The following SPIRE1 variants were observed in gnomAD, a reference collection of about 807,000 sequenced individuals.
SPIRE1 encodes the protein spire type actin nucleation factor 1.
In SPIRE1, 40 loss-of-function variants were observed where a neutral mutation model predicts 94.1. The observed-to-expected ratio is 0.43, with a 90% CI of 0.33 to 0.55. SPIRE1 has a LOEUF of 0.55. SPIRE1 is among the 20% of genes least tolerant of loss of function. SPIRE1 has a pLI of 0.06. For synonymous variants in SPIRE1, 376 were observed against 371.7 expected, an observed-to-expected ratio of 1.01 and a Z score of -0.13; for missense variants, 838 against 975.2, an observed-to-expected ratio of 0.86 and a Z score of 1.87.
chr18:12,581,453 T>C (rs541499200), intron 2 of SPIRE1, among the ~76,000 whole-genome samples: 3 of 121,180 alleles, frequency 2.5e-5, no homozygotes, highest in South Asian at 6.1e-4. Context: ...TAACCAAGAT[T>C]AAAAGATGAA....
At chr18:12,487,845 G>A (rs1304709252) in intron 8 of SPIRE1, among the ~76,000 whole-genome samples, 2 of 152,152 alleles carry the variant, frequency 1.3e-5, no homozygotes, top group Non-Finnish European at 2.9e-5. Context: ...TGTTAAAAAG[G>A]TTATTGCAGA....
At chr18:12,456,006 T>C (rs2031490682) in intron 12 of SPIRE1, among the ~76,000 whole-genome samples, 2 of 152,180 alleles carry the variant, frequency 1.3e-5, no homozygotes, top group Admixed American at 1.3e-4. Context: ...TGCAAAACCA[T>C]CTCTGTTCAA....
intron 2 of SPIRE1, among the ~76,000 whole-genome samples, chr18:12,581,154 G>C (rs905735459): frequency 1.7e-4 from 26 of 152,208 alleles, no homozygotes; most frequent in African/African-American, 5.8e-4. Context: ...AATTCCACAG[G>C]TGAGACCGGC....
chr18:12,641,910 C>T lies in SPIRE1; in HGVS notation c.338-6814G>A, dbSNP rs1598574877. 2.0e-5 allele frequency among the ~76,000 whole-genome samples: 3 copies of T among 147,676 alleles called. No individual in the cohort carries two copies. The East Asian group carries it at 6.1e-4, about 30-fold the overall frequency. ...TGCAGTGCATGATCTTGGCTCACTA[C>T]AGCCTCCGCCTCCCAGGTTCAAGCA... On this transcript the variant is annotated intron_variant, in intron 1 of 16. Transcript: ENST00000409402.
At chr18:12,478,319 C>G (rs1228578559) in intron 10 of SPIRE1, among the ~76,000 whole-genome samples, 2 of 148,270 alleles carry the variant, frequency 1.3e-5, no homozygotes, top group East Asian at 4.1e-4. Context: ...GTGTGTGTAG[C>G]TAGGGTGTGT....
At chr18:12,525,384 A>T (rs1297216413) in intron 4 of SPIRE1, among the ~76,000 whole-genome samples, 4 of 150,966 alleles carry the variant, frequency 2.6e-5, no homozygotes, top group Non-Finnish European at 5.9e-5. Flanking sequence ...CTAGTTAGGT[A>T]GAAATGGGAG....
intron 11 of SPIRE1, 60 bp downstream of exon 11, chr18:12,464,808 G>T: frequency 1.4e-6 from 2 of 1,424,224 alleles, no homozygotes; most frequent in Non-Finnish European, 2.0e-6. Context: ...CTCTGCTCTA[G>T]GTCAAGTGTG....
At chr18:12,490,254 TC>T (rs1266377554) in intron 8 of SPIRE1, among the ~76,000 whole-genome samples, 1 of 152,164 alleles carries the variant, frequency 6.6e-6, no homozygotes, top group African/African-American at 2.4e-5. Context: ...AAAGTAGGGT[TC>T]CCATTAGCAA....
chr18:12,557,023 C>T (rs2035535111), intron 2 of SPIRE1, among the ~76,000 whole-genome samples: 1 of 152,174 alleles, frequency 6.6e-6, no homozygotes, highest in Non-Finnish European at 1.5e-5. Context: ...GTTTACAAAC[C>T]TTGAGCTAGA....
chr18:12,599,694 TTGGCAGAGATACC>T (rs1423157942), intron 2 of SPIRE1, among the ~76,000 whole-genome samples: 1 of 152,222 alleles, frequency 6.6e-6, no homozygotes, highest in South Asian at 2.1e-4. Context: ...TTATGCACAC[TTGGCAGAGATACC>T]TGGCAGAGAT....
intron 8 of SPIRE1, among the ~76,000 whole-genome samples, chr18:12,487,304 T>C (rs989809155): frequency 1.3e-5 from 2 of 152,160 alleles, no homozygotes; most frequent in African/African-American, 2.4e-5. Flanking sequence ...CATATAAAGT[T>C]TGGTACTATC....
chr18:12,461,826 GT>G (rs1013407602), intron 12 of SPIRE1, among the ~76,000 whole-genome samples: 3 of 152,066 alleles, frequency 2.0e-5, no homozygotes, highest in Non-Finnish European at 2.9e-5. Context: ...ACAGACAGGG[GT>G]TTCTTAAGTT....
At chr18:12,477,133 T>A (rs2032635060) in intron 10 of SPIRE1, among the ~76,000 whole-genome samples, 1 of 152,118 alleles carries the variant, frequency 6.6e-6, no homozygotes, top group Non-Finnish European at 1.5e-5. Flanking sequence ...AGGCTGCAAA[T>A]TTATCTGATC....
intron 2 of SPIRE1, among the ~76,000 whole-genome samples, chr18:12,560,255 A>G (rs961726070): frequency 6.6e-6 from 1 of 152,246 alleles, no homozygotes; most frequent in African/African-American, 2.4e-5. Flanking sequence ...AAGAAAGGAA[A>G]TCAGTATATC....
chr18:12,520,621 A>G (rs1242866724), intron 4 of SPIRE1, among the ~76,000 whole-genome samples: 6 of 152,204 alleles, frequency 3.9e-5, no homozygotes, highest in Non-Finnish European at 8.8e-5. Flanking sequence ...ATTACAAATG[A>G]TGAATGATCT....
intron 4 of SPIRE1, among the ~76,000 whole-genome samples, chr18:12,526,160 T>C (rs1021869595): frequency 6.6e-6 from 1 of 151,332 alleles, no homozygotes; most frequent in Non-Finnish European, 1.5e-5. Context: ...TAGACTCTTC[T>C]GGTGCATCTT....
At chr18:12,582,830 T>A (rs1360795038) in intron 2 of SPIRE1, among the ~76,000 whole-genome samples, 3 of 152,168 alleles carry the variant, frequency 2.0e-5, no homozygotes, top group African/African-American at 7.2e-5. Flanking sequence ...ACCACCCAAA[T>A]GTTCACTGAG....
intron 4 of SPIRE1, among the ~76,000 whole-genome samples, chr18:12,524,152 T>A (rs1194247848): frequency 6.6e-6 from 1 of 152,234 alleles, no homozygotes; most frequent in African/African-American, 2.4e-5. Context: ...CTATATGTAT[T>A]GGATTATATT....
chr18:12,569,856 A>G (rs1396640373), intron 2 of SPIRE1, among the ~76,000 whole-genome samples: 1 of 152,218 alleles, frequency 6.6e-6, no homozygotes, highest in Non-Finnish European at 1.5e-5. Context: ...TTAAAGCCCA[A>G]CCAATTGAAA....
Sources: allele counts gnomAD v4.1 joint callset (sites outside exome capture counted in the v4.1 genomes callset), GRCh38; gene constraint gnomAD v4.1.1; transcripts MANE v1.5; gene names NCBI Gene and HGNC (gene_info 2026-07-23, HGNC 2026-07-21).